The following AUTS2 variants were observed in gnomAD, a reference collection of about 807,000 sequenced individuals.
AUTS2 encodes the protein autism susceptibility gene 2 protein.
Under a neutral mutation model 112.4 loss-of-function variants are expected in AUTS2, and 17 were observed. The observed-to-expected ratio is 0.15, with a 90% CI of 0.10 to 0.23. AUTS2 has a LOEUF of 0.23. Among genes scored for constraint, AUTS2 ranks in the 10% least tolerant of loss-of-function variants. The pLI is 1.00. For missense variants in AUTS2, 1,510 were observed against 1,701.6 expected (o/e 0.89, Z 1.98); for synonymous variants, 751 against 702.7 (o/e 1.07, Z -1.09).
chr7:70,450,504 G>A (rs1449577407), intron 5 of AUTS2, among the ~76,000 whole-genome samples: 3 of 152,238 alleles, frequency 2.0e-5, no homozygotes, highest in Admixed American at 1.3e-4. Context: ...AGAGAAGCAT[G>A]AAAACTTCTG....
At chr7:70,264,190 G>A (rs1026622978) in intron 4 of AUTS2, among the ~76,000 whole-genome samples, 1 of 152,034 alleles carries the variant, frequency 6.6e-6, no homozygotes, top group African/African-American at 2.4e-5. Context: ...ATCCACTTGC[G>A]AATGTTAGCA....
At chr7:70,305,337 C>G (rs1035473054) in intron 4 of AUTS2, among the ~76,000 whole-genome samples, 5 of 151,978 alleles carry the variant, frequency 3.3e-5, no homozygotes, top group Admixed American at 6.6e-5. Context: ...AAGGTACCCA[C>G]TGAAATGTCA....
At chr7:70,496,785 A>G (rs1211106349) in intron 5 of AUTS2, among the ~76,000 whole-genome samples, 2 of 96,734 alleles carry the variant, frequency 2.1e-5, no homozygotes, top group Admixed American at 1.0e-4. Flanking sequence ...ACAGTCAGAC[A>G]CACACACACA....
chr7:70,022,493 G>C (rs1800322484), intron 2 of AUTS2, among the ~76,000 whole-genome samples: 1 of 151,864 alleles, frequency 6.6e-6, no homozygotes, highest in African/African-American at 2.4e-5. Flanking sequence ...GCTAATTTTT[G>C]TATTTTTAGT....
At chr7:69,812,485 G>A (rs1790584788) in intron 1 of AUTS2, among the ~76,000 whole-genome samples, 1 of 152,124 alleles carries the variant, frequency 6.6e-6, no homozygotes, top group Non-Finnish European at 1.5e-5. Context: ...AACCTGGAGG[G>A]CAGAAAATGT....
chr7:69,679,798 A>G lies in AUTS2; in HGVS notation c.309+79836A>G, dbSNP rs368352904. Among the ~76,000 whole-genome samples the G allele has an allele frequency of 4.0e-4, 61 of 152,318 alleles. 1 individual carries two copies. In the South Asian group the frequency reaches 0.012, roughly 29 times the overall value. ...CAAATGTCAGTTACATACATCATCT[A>G]TGGAATAGATTTTTAGTTTTATTTA... On this transcript the variant is annotated intron_variant, in intron 1 of 18. Transcript: ENST00000342771.
chr7:69,740,946 T>C (rs1787238954), intron 1 of AUTS2, among the ~76,000 whole-genome samples: 1 of 152,196 alleles, frequency 6.6e-6, no homozygotes, highest in Non-Finnish European at 1.5e-5. Context: ...AAAGTGGCGA[T>C]GGGCTTGGAT....
chr7:70,465,296 G>A (rs1797128593), intron 5 of AUTS2, among the ~76,000 whole-genome samples: 1 of 152,204 alleles, frequency 6.6e-6, no homozygotes, highest in Non-Finnish European at 1.5e-5. Flanking sequence ...TCCCAGTGGT[G>A]TCTCTTCAGG....
At chr7:70,761,016 G>C (rs1392597932) in intron 6 of AUTS2, among the ~76,000 whole-genome samples, 1 of 152,170 alleles carries the variant, frequency 6.6e-6, no homozygotes, top group Non-Finnish European at 1.5e-5. Flanking sequence ...ATAAACCCAA[G>C]TTTTGTTTTT....
chr7:69,924,522 TTTTCTTTTCTTTCTTTC>T (rs1320477016), intron 2 of AUTS2, among the ~76,000 whole-genome samples: 6 of 151,764 alleles, frequency 4.0e-5, no homozygotes, highest in Admixed American at 3.3e-4. Flanking sequence ...TTCTTTTGTC[TTTTCTTTTCTTTCTTTC>T]TTTCTTTTCT....
At chr7:70,531,556 C>T (rs1800092087) in intron 5 of AUTS2, among the ~76,000 whole-genome samples, 1 of 152,066 alleles carries the variant, frequency 6.6e-6, no homozygotes, top group Non-Finnish European at 1.5e-5. Context: ...GCAGGCATGT[C>T]ATATGGTGAG....
intron 4 of AUTS2, among the ~76,000 whole-genome samples, chr7:70,145,474 G>A (rs1485132706): frequency 6.6e-6 from 1 of 152,098 alleles, no homozygotes; most frequent in East Asian, 1.9e-4. Flanking sequence ...TCTAATGTAT[G>A]TGAACAAGCA....
At chr7:70,785,600 A>C in intron 16 of AUTS2, 1 of 437,128 alleles carries the variant, frequency 2.3e-6, no homozygotes, top group Non-Finnish European at 4.5e-6. Context: ...ATGGATTCAG[A>C]TGCCACCTCC....
chr7:69,775,273 T>G (rs1788842783), intron 1 of AUTS2, among the ~76,000 whole-genome samples: 1 of 152,242 alleles, frequency 6.6e-6, no homozygotes. Context: ...TGCTGTTGCC[T>G]GGGCAGTCAT....
At chr7:69,846,626 T>G (rs768178226) in intron 1 of AUTS2, among the ~76,000 whole-genome samples, 1 of 152,202 alleles carries the variant, frequency 6.6e-6, no homozygotes, top group Non-Finnish European at 1.5e-5. Context: ...CAGGCTGGAG[T>G]GCAGTGGCAC....
intron 6 of AUTS2, among the ~76,000 whole-genome samples, chr7:70,707,514 G>A (rs1038673418): frequency 1.3e-5 from 2 of 152,128 alleles, no homozygotes; most frequent in Admixed American, 6.5e-5. Context: ...GACACAAAGC[G>A]GGATGGTAAA....
intron 4 of AUTS2, among the ~76,000 whole-genome samples, chr7:70,432,098 C>A (rs1338940325): frequency 6.6e-6 from 1 of 152,196 alleles, no homozygotes; most frequent in Non-Finnish European, 1.5e-5. Context: ...TCACAGCGGG[C>A]TCTGAAATCT....
At chr7:70,051,536 A>G (rs1296841541) in intron 2 of AUTS2, among the ~76,000 whole-genome samples, 1 of 152,036 alleles carries the variant, frequency 6.6e-6, no homozygotes, top group African/African-American at 2.4e-5. Context: ...GGCCAACATG[A>G]TGAAACCCCT....
chr7:70,047,823 G>GA (rs1275723864), intron 2 of AUTS2, among the ~76,000 whole-genome samples: 1 of 152,076 alleles, frequency 6.6e-6, no homozygotes, highest in African/African-American at 2.4e-5. Context: ...AGTGTGGGAG[G>GA]AAAAAATGTA....
Sources: gnomAD v4.1 joint callset for allele counts (sites outside exome capture counted in the v4.1 genomes callset) on GRCh38, gnomAD v4.1.1 for gene constraint, MANE v1.5 for transcripts, NCBI Gene and HGNC (gene_info 2026-07-23, HGNC 2026-07-21) for gene names.